Variants in TTC39C observed in about 807,000 individuals in gnomAD.
TTC39C encodes the protein tetratricopeptide repeat protein 39C.
TTC39C carries 33 observed loss-of-function variants against 76.3 expected under a neutral mutation model. The ratio of observed to expected loss-of-function variants is 0.43; its 90% CI spans 0.33 to 0.58. The LOEUF is 0.58. Among genes scored for constraint, TTC39C ranks in the 20% least tolerant of loss-of-function variants. The probability of loss-of-function intolerance (pLI) is 0.04; values close to 1 mark genes in which losing one functional copy is unlikely to be tolerated. For synonymous variants in TTC39C, 254 were observed against 260.6 expected (o/e 0.97, Z 0.24); for missense variants, 595 against 701.4 (o/e 0.85, Z 1.71).
At chr18:24,078,656 G>A (rs551879195) in intron 4 of TTC39C, among the ~76,000 whole-genome samples, 4 of 152,132 alleles carry the variant, frequency 2.6e-5, no homozygotes, top group Non-Finnish European at 4.4e-5. Context: ...AACGAGTTAC[G>A]ACAGCACAAA....
At chr18:24,023,977 T>G (rs1185266154) in intron 1 of TTC39C, among the ~76,000 whole-genome samples, 1 of 14,004 alleles carries the variant, frequency 7.1e-5, no homozygotes, top group African/African-American at 1.7e-4. Context: ...TATATATATA[T>G]ATACATATAT....
At chr18:24,034,193 A>G (rs1039017570) in intron 1 of TTC39C, among the ~76,000 whole-genome samples, 4 of 152,254 alleles carry the variant, frequency 2.6e-5, no homozygotes, top group African/African-American at 9.6e-5. Context: ...ATCTCACAAC[A>G]TCGAAAGCAC....
intron 1 of TTC39C, chr18:24,000,436 G>A (rs1035725681): frequency 6.6e-6 from 1 of 152,292 alleles, no homozygotes; most frequent in Non-Finnish European, 1.5e-5. Context: ...GCAGCTCTCA[G>A]GGAAACCCAC....
Position 24,131,609 on chromosome 18 carries a change from G to A in TTC39C, c.1624-273G>A, listed in dbSNP as rs141890444. Among the ~76,000 whole-genome samples, 437 of 151,788 alleles carry A rather than the reference G, an allele frequency of 2.9e-3. 1 individual carries two copies. The highest frequency in any genetic ancestry group is 0.01 in the African/African-American group (421 of 41,400). On this transcript the variant is annotated intron_variant, in intron 12 of 13. Coordinates refer to ENST00000317571, the MANE Select transcript of TTC39C (RefSeq NM_001135993.2). ...TAATCCCAGCTACTCAGGAGGCTAA[G>A]GCAGGAGAATTGCTTGAACACGGGA...
At chr18:24,020,507 G>A (rs2083506038) in intron 1 of TTC39C, among the ~76,000 whole-genome samples, 1 of 152,176 alleles carries the variant, frequency 6.6e-6, no homozygotes, top group Admixed American at 6.5e-5. Context: ...CAGTATTCAT[G>A]GGGGATTGGT....
chr18:24,061,162 T>C (rs2084093645), intron 1 of TTC39C, among the ~76,000 whole-genome samples: 3 of 151,828 alleles, frequency 2.0e-5, no homozygotes, highest in Admixed American at 2.0e-4. Context: ...AGGTATCAAT[T>C]TTGAAAAAAA....
rs1475226422 is a variant in TTC39C, at chr18:24,065,998, T to C, written c.217-14T>C. The C allele has an allele frequency of 3.2e-6, 5 of 1,551,926 alleles. No homozygotes were observed. The South Asian group carries it at 4.9e-5, about 15-fold the overall frequency. On this transcript the variant is annotated splice_polypyrimidine_tract_variant and intron_variant, in intron 2 of 13. Transcript: ENST00000317571. ...ACTAATTCATTCATTCATTCATTCTTTCTTTCTTGGAAGAATGCCATGATG... is the reference window on the plus strand; with the variant it reads ...ACTAATTCATTCATTCATTCATTCTCTCTTTCTTGGAAGAATGCCATGATG...
chr18:23,998,130 G>A (rs569922197), intron 1 of TTC39C, among the ~76,000 whole-genome samples: 1 of 152,314 alleles, frequency 6.6e-6, no homozygotes, highest in South Asian at 2.1e-4. Context: ...CTTATAACAA[G>A]TTAGAGGTTA....
chr18:24,065,869 A>C (rs1240642682), intron 2 of TTC39C, 143 bp from the exon 3 acceptor site: 7 of 809,714 alleles, frequency 8.6e-6, no homozygotes, highest in Non-Finnish European at 1.1e-5. Flanking sequence ...CTTTGAATGA[A>C]TAGATTATGC....
chr18:24,058,586 C>G (rs1206885335), intron 1 of TTC39C, among the ~76,000 whole-genome samples: 1 of 151,858 alleles, frequency 6.6e-6, no homozygotes, highest in Non-Finnish European at 1.5e-5. Flanking sequence ...ACCCAGGAGG[C>G]GGAGGCTGCA....
intron 9 of TTC39C, among the ~76,000 whole-genome samples, chr18:24,124,812 C>T (rs770927317): frequency 2.0e-5 from 3 of 152,182 alleles, no homozygotes; most frequent in Non-Finnish European, 2.9e-5. Context: ...TTAGCTGTCA[C>T]CAAGCTTTAT....
chr18:24,005,824 G>A (rs1249617571), intron 1 of TTC39C, among the ~76,000 whole-genome samples: 4 of 149,182 alleles, frequency 2.7e-5, no homozygotes, highest in African/African-American at 4.9e-5. Context: ...CAGCATGGCC[G>A]ACTGAGTGAG....
chr18:24,131,283 T>C (rs1240780478), intron 12 of TTC39C, among the ~76,000 whole-genome samples: 1 of 152,002 alleles, frequency 6.6e-6, no homozygotes, highest in Non-Finnish European at 1.5e-5. Flanking sequence ...ATCATTAATT[T>C]TAAGGTTGTT....
chr18:24,080,354 G>A (rs532695503), intron 4 of TTC39C, among the ~76,000 whole-genome samples: 1 of 152,254 alleles, frequency 6.6e-6, no homozygotes, highest in African/African-American at 2.4e-5. Flanking sequence ...AGAACAATGA[G>A]CAGAAACACA....
intron 6 of TTC39C, among the ~76,000 whole-genome samples, chr18:24,088,426 G>A (rs774366715): frequency 2.0e-5 from 3 of 152,222 alleles, no homozygotes; most frequent in Non-Finnish European, 2.9e-5. Context: ...CTCTGAGTGA[G>A]CTCCAGATAT....
rs1343254904 is a variant in TTC39C at position 24,080,616 on chromosome 18, A to C, written c.492A>C (p.Lys164Asn). The C allele has an allele frequency of 1.9e-6, 3 of 1,610,762 alleles. No individual in the cohort carries two copies. Among genetic ancestry groups the C allele is most frequent in the Non-Finnish European group, 1.7e-6 (2 of 1,178,332 alleles). ...AYIKGGWILRKAWKIYNKCYL... is the reference protein window; with the variant it reads ...AYIKGGWILRNAWKIYNKCYL... ...TCAAAGGTGGGTGGATCCTTAGGAA[A>C]GCCTGGAAGATTTACAATAAATGCT... Residue 164 changes from lysine to asparagine, a missense_variant, in exon 5 of 14, where the codon AAA (lysine) becomes AAC (asparagine). Lys to Asn is a moderately conservative substitution (Grantham distance 94, BLOSUM62 0). Coordinates refer to ENST00000317571, the MANE Select transcript of TTC39C (RefSeq NM_001135993.2).
At position 24,123,814 on chromosome 18, in the gene TTC39C, A is replaced by G; in HGVS notation, c.1187-20A>G. The G allele has an allele frequency of 1.3e-6, 2 of 1,565,902 alleles. No individual in the cohort carries two copies. Among genetic ancestry groups the G allele is most frequent in the African/African-American group, 1.4e-5 (1 of 72,566 alleles). On this transcript the variant is annotated intron_variant, in intron 8 of 13. Transcript: ENST00000317571. ...TTTCCCTGACTTGTACTTAAGAAAT[A>G]TAATTATGGTTTCTTACAGTTTGTC...
Position 24,046,228 on chromosome 18 carries a change from G to A in TTC39C, c.168-17912G>A, listed in dbSNP as rs952615956. 1.5e-4 allele frequency among the ~76,000 whole-genome samples: 23 copies of A among 151,790 alleles called. 1 individual carries two copies. The highest frequency in any genetic ancestry group is 4.2e-4 in the South Asian group (2 of 4,814). On this transcript the variant is annotated intron_variant, in intron 1 of 13. Coordinates refer to ENST00000317571, the MANE Select transcript of TTC39C (RefSeq NM_001135993.2). ...GCTGGGATTACAGGCATGAGCCACC[G>A]TGCCCAGCCTGTGAATATTTTTACA...
At position 24,099,055 on chromosome 18, in the gene TTC39C, G is replaced by A. The variant is rs895804405; in HGVS notation, c.985-15499G>A. 1.3e-4 allele frequency among the ~76,000 whole-genome samples: 14 copies of A among 104,254 alleles called. No individual in the cohort carries two copies. In the South Asian group the frequency reaches 3.0e-3, roughly 23 times the overall value. 68.4% of individuals were successfully genotyped at this position (104,254 alleles called of 152,430 possible). On this transcript the variant is annotated intron_variant, in intron 6 of 13. Coordinates refer to ENST00000317571, the MANE Select transcript of TTC39C (RefSeq NM_001135993.2). ...TGTGTGTATATATATATCTATACAC[G>A]TATATACATATAACATATATACATA...
Sources: gnomAD v4.1 joint callset for allele counts (sites outside exome capture counted in the v4.1 genomes callset) on GRCh38, gnomAD v4.1.1 for gene constraint, MANE v1.5 for transcripts, NCBI Gene and HGNC (gene_info 2026-07-23, HGNC 2026-07-21) for gene names.